The following MTA1 variants were observed in gnomAD, a reference collection of about 807,000 sequenced individuals.
MTA1 encodes metastasis-associated protein MTA1.
Under a neutral mutation model 97.0 loss-of-function variants are expected in MTA1, and 15 were observed. The observed-to-expected ratio is 0.15, with a 90% CI of 0.10 to 0.24. MTA1 has a LOEUF of 0.24. Among genes scored for constraint, MTA1 ranks in the 10% least tolerant of loss-of-function variants. The probability of loss-of-function intolerance (pLI) is 1.00; values close to 1 mark genes in which losing one functional copy is unlikely to be tolerated. For missense variants in MTA1, 709 were observed against 1,015.1 expected, an observed-to-expected ratio of 0.70 and a Z score of 4.10; for synonymous variants, 435 against 417.5, an observed-to-expected ratio of 1.04 and a Z score of -0.51.
intron 7 of MTA1, among the ~76,000 whole-genome samples, chr14:105,456,226 G>C (rs1256871599): frequency 6.6e-6 from 1 of 152,270 alleles, no homozygotes; most frequent in Non-Finnish European, 1.5e-5. Flanking sequence ...CTGGGAGACA[G>C]GTGAGAACAC....
intron 18 of MTA1, chr14:105,468,422 G>C: frequency 2.4e-6 from 3 of 1,260,318 alleles, no homozygotes; most frequent in Non-Finnish European, 3.2e-6. Context: ...CTGAGGTATG[G>C]CTGTTCCTGC....
In MTA1 at chr14:105,422,489, G is replaced by A. The variant is rs2081875884; in HGVS notation, c.28+2426G>A. On this transcript the variant is annotated intron_variant, in intron 1 of 20. Transcript: ENST00000331320. The surrounding 1 kb of genome is among the most constrained non-coding windows in gnomAD (Gnocchi z 4.3). ...GAGATGCCGGCAGGGACCCAGCCTG[G>A]GAAGGGGCTTGCTCCTGTGCCCCCC... 6.6e-6 allele frequency among the ~76,000 whole-genome samples: 1 copy of A among 152,222 alleles called. No individual in the cohort carries two copies. Among genetic ancestry groups the A allele is most frequent in the African/African-American group, 2.4e-5 (1 of 41,452 alleles).
chr14:105,466,871 A>G, intron 18 of MTA1, 129 bp downstream of exon 18: 2 of 921,292 alleles, frequency 2.2e-6, no homozygotes, highest in Non-Finnish European at 3.2e-6. Context: ...GCCAGGCCAC[A>G]GCCCAGTTCC....
intron 10 of MTA1, 101 bp downstream of exon 10, chr14:105,461,054 C>G: frequency 8.2e-7 from 1 of 1,225,514 alleles, no homozygotes; most frequent in Non-Finnish European, 1.1e-6. Flanking sequence ...CTGAGGGAGC[C>G]TGTCCTGCAC....
chr14:105,466,428 ACCCACC>A lies in MTA1; in HGVS notation c.1631_1636del (p.His544_Pro545del). ...TCTGCCTGTGTCATTCCCGGCAGAGACCCACCCCCGCCCCCCCAAGCCTGACCCCGT... is the reference window on the plus strand; with the variant it reads ...TCTGCCTGTGTCATTCCCGGCAGAGACCCGCCCCCCCAAGCCTGACCCCGT... On this transcript the variant is annotated inframe_deletion, in exon 17 of 21. Transcript: ENST00000331320. 2.5e-6 allele frequency: 2 copies of A among 794,906 alleles called. No individual in the cohort carries two copies. Among genetic ancestry groups the A allele is most frequent in the African/African-American group, 1.8e-5 (1 of 56,034 alleles). 49.2% of individuals were successfully genotyped at this position (794,906 alleles called of 1,614,324 possible). A position where few individuals can be genotyped will look rare whatever the true frequency, so the allele number is the denominator to read the frequency against.
At position 105,463,921 on chromosome 14, in the gene MTA1, C is replaced by A. The variant is rs1012632046; in HGVS notation, c.1077-111C>A. 1.0e-6 allele frequency: 1 copy of A among 1,001,012 alleles called. No individual in the cohort carries two copies. Among genetic ancestry groups the A allele is most frequent in the Non-Finnish European group, 1.6e-6 (1 of 633,826 alleles). The allele number at this position is 1,001,012 out of a possible 1,614,324, so 62.0% of individuals were successfully genotyped here. On this transcript the variant is annotated intron_variant, in intron 12 of 20. Transcript: ENST00000331320. This position sits in a 1 kb window ranked among gnomAD's most constrained non-coding sequence, Gnocchi z 5.9. ...AGATCCCTGCCGAGGCCGAGGGGTG[C>A]GAGGACGTGGTTCTGGACAAGGGGT...
At chr14:105,459,139 C>T (rs2083265908) in intron 8 of MTA1, among the ~76,000 whole-genome samples, 1 of 52,806 alleles carries the variant, frequency 1.9e-5, no homozygotes, top group Non-Finnish European at 4.6e-5. Context: ...GGAGTCCGCG[C>T]TGCCCGTGGC....
At chr14:105,467,540 A>T (rs1389271144) in intron 18 of MTA1, 26 of 453,566 alleles carry the variant, frequency 5.7e-5, no homozygotes, top group African/African-American at 3.8e-4. Context: ...GCTGCAGCGC[A>T]GGGTGGGCCT....
Position 105,466,427 on chromosome 14 carries a change from G to GGGC in MTA1, c.1626_1627insGGC (p.Glu542_Thr543insGly). 2 of 1,592,094 alleles carry GGGC rather than the reference G, an allele frequency of 1.3e-6. No homozygotes were observed. The highest frequency in any genetic ancestry group is 1.7e-6 in the Non-Finnish European group (2 of 1,165,308). On this transcript the variant is annotated inframe_insertion and splice_region_variant, in exon 17 of 21. Coordinates refer to ENST00000331320, the MANE Select transcript of MTA1 (RefSeq NM_004689.4). ...TTCTGCCTGTGTCATTCCCGGCAGA[G>GGGC]ACCCACCCCCGCCCCCCCAAGCCTG...
In MTA1 at chr14:105,470,282, C is replaced by T. The variant is rs1307241151; in HGVS notation, c.*67C>T. On this transcript the variant is annotated 3_prime_UTR_variant, in exon 21 of 21. Transcript: ENST00000331320. ...CCACACGGCCCCTTCCCAGCCAGCCCGCCGCCCGCCCCTCAGTTTGGTAGT... is the reference window on the plus strand; with the variant it reads ...CCACACGGCCCCTTCCCAGCCAGCCTGCCGCCCGCCCCTCAGTTTGGTAGT... 106 of 1,317,942 alleles carry T rather than the reference C, an allele frequency of 8.0e-5. 1 individual carries two copies. The Admixed American group carries it at 1.1e-3, about 13-fold the overall frequency. The allele number at this position is 1,317,942 out of a possible 1,614,324, so 81.6% of individuals were successfully genotyped here. A position where few individuals can be genotyped will look rare whatever the true frequency, so the allele number is the denominator to read the frequency against.
In MTA1 at chr14:105,460,800, C is replaced by T. The variant is rs1404207020; in HGVS notation, c.789C>T (p.Tyr263=). 5.6e-6 allele frequency: 9 copies of T among 1,606,452 alleles called. No homozygotes were observed. Among genetic ancestry groups the T allele is most frequent in the Non-Finnish European group, 6.8e-6 (8 of 1,176,752 alleles). Residue 263 remains tyrosine, a synonymous_variant, in exon 10 of 21, where the codon TAC becomes TAT. Coordinates refer to ENST00000331320, the MANE Select transcript of MTA1 (RefSeq NM_004689.4). The part of the protein sequence containing the change: ...HAMDTLHKNI[Y]DISKAISALV... ...TGGATACTCTCCACAAGAACATCTA[C>T]GACATCTCCAAGGCCATCTCGGCGC...
chr14:105,447,034 G>A (rs2082739978), intron 3 of MTA1, among the ~76,000 whole-genome samples: 1 of 152,228 alleles, frequency 6.6e-6, no homozygotes, highest in Non-Finnish European at 1.5e-5. Context: ...AGGTCCACAG[G>A]CTACACATTC....
rs782432934 is a variant in MTA1 at position 105,464,669 on chromosome 14, C to T, written c.1345-5C>T. On this transcript the variant is annotated splice_polypyrimidine_tract_variant and splice_region_variant and intron_variant, in intron 14 of 20. Coordinates refer to ENST00000331320, the MANE Select transcript of MTA1 (RefSeq NM_004689.4). ...GTGTTGGGGCGGTTGCGCCCCCTTC[C>T]GCAGAGTCCCCACGGCCTCCCAGCC... 2.7e-5 allele frequency: 43 copies of T among 1,602,344 alleles called. No homozygotes were observed. Among genetic ancestry groups the T allele is most frequent in the Middle Eastern group, 1.7e-4 (1 of 6,056 alleles).
intron 2 of MTA1, 116 bp from the exon 3 acceptor site, chr14:105,445,302 G>T: frequency 1.2e-6 from 1 of 818,542 alleles, no homozygotes; most frequent in Non-Finnish European, 2.0e-6. Context: ...CCCGAGGGGT[G>T]GTGTGGTTAC....
At chr14:105,451,952 G>A (rs2082960259) in intron 6 of MTA1, among the ~76,000 whole-genome samples, 6 of 152,006 alleles carry the variant, frequency 3.9e-5, no homozygotes, top group Middle Eastern at 3.4e-3. Flanking sequence ...CACCATGTCC[G>A]GCTAATTTTT....
chr14:105,460,842 G>T lies in MTA1; in HGVS notation c.831G>T (p.Gly277=). The part of the protein sequence containing the change: ...KAISALVPQG[G]PVLCRDEMEE... ...TCTCGGCGCTGGTGCCGCAGGGCGG[G>T]CCCGTGCTCTGCAGGGACGAGATGG... The change falls in exon 10 of 21, where the codon GGG becomes GGT. Residue 277 remains glycine (G), a synonymous_variant. Transcript: ENST00000331320. The T allele has an allele frequency of 6.2e-7, 1 of 1,612,688 alleles. No homozygotes were observed.
At chr14:105,444,540 C>T (rs1007227602) in intron 2 of MTA1, among the ~76,000 whole-genome samples, 4 of 151,996 alleles carry the variant, frequency 2.6e-5, no homozygotes, top group Non-Finnish European at 5.9e-5. Flanking sequence ...CCTGTAATCC[C>T]AGCACTTTGT....
chr14:105,424,139 A>G lies in MTA1; in HGVS notation c.28+4076A>G, dbSNP rs1555421656. 6.6e-6 allele frequency among the ~76,000 whole-genome samples: 1 copy of G among 152,236 alleles called. No individual in the cohort carries two copies. The highest frequency in any genetic ancestry group is 1.9e-4 in the East Asian group (1 of 5,196). On this transcript the variant is annotated intron_variant, in intron 1 of 20. Transcript: ENST00000331320. The surrounding 1 kb of genome is among the most constrained non-coding windows in gnomAD (Gnocchi z 4.0). ...CATTGGCAGCCCTGGCTCACTCTCC[A>G]GGCAGGATGGGCCACTGAGCTTCTC... is the stretch of plus-strand genomic sequence containing the variant.
intron 3 of MTA1, among the ~76,000 whole-genome samples, chr14:105,446,570 G>A (rs896626181): frequency 6.6e-6 from 1 of 152,104 alleles, no homozygotes; most frequent in African/African-American, 2.4e-5. Flanking sequence ...ACCTCCCCCT[G>A]CTCTGGGAGG....
Sources: gnomAD v4.1 joint callset for allele counts (sites outside exome capture counted in the v4.1 genomes callset) on GRCh38, gnomAD v4.1.1 for gene constraint, Gnocchi (gnomAD v3.1) non-coding constraint, MANE v1.5 for transcripts, NCBI Gene and HGNC (gene_info 2026-07-23, HGNC 2026-07-21) for gene names.